ST8SIA2: variants seen among roughly 807,000 people sequenced by gnomAD.
The protein encoded by ST8SIA2 is alpha-2,8-sialyltransferase 8B.
Under a neutral mutation model 37.6 loss-of-function variants are expected in ST8SIA2, and 22 were observed. The observed-to-expected ratio is 0.58, with a 90% CI of 0.42 to 0.83. The LOEUF (loss-of-function observed/expected upper bound fraction) is 0.83, where lower values mean the gene tolerates loss of function less well. Among genes scored for constraint, ST8SIA2 ranks in the 40% least tolerant of loss-of-function variants. ST8SIA2 has a pLI of 0.00. For missense variants in ST8SIA2, 382 were observed against 484.7 expected (o/e 0.79, Z 1.99); for synonymous variants, 205 against 201.2 (o/e 1.02, Z -0.16).
At chr15:92,457,791 G>C (rs923767834) in intron 5 of ST8SIA2, among the ~76,000 whole-genome samples, 2 of 152,208 alleles carry the variant, frequency 1.3e-5, no homozygotes, top group African/African-American at 4.8e-5. Context: ...TCGCTCAGGA[G>C]TTCTTGTTTA....
In ST8SIA2 at chr15:92,394,148, CGAA is replaced by C; in HGVS notation, c.91_93del (p.Glu31del). ...TCATCTTCGCAGACATCTCAGAGATCGAAGAAGAAATCGGGTAAATAGCTGCTC... is the reference window on the plus strand; with the variant it reads ...TCATCTTCGCAGACATCTCAGAGATCGAAGAAATCGGGTAAATAGCTGCTC... On this transcript the variant is annotated inframe_deletion, in exon 1 of 6. Coordinates refer to ENST00000268164, the MANE Select transcript of ST8SIA2 (RefSeq NM_006011.4). 1.3e-6 allele frequency: 2 copies of C among 1,557,604 alleles called. No individual in the cohort carries two copies. Among genetic ancestry groups the C allele is most frequent in the Non-Finnish European group, 1.7e-6 (2 of 1,149,604 alleles).
chr15:92,439,769 C>G (rs1567219902), intron 4 of ST8SIA2, among the ~76,000 whole-genome samples: 1 of 152,076 alleles, frequency 6.6e-6, no homozygotes, highest in South Asian at 2.1e-4. Flanking sequence ...GCCCTTTAGC[C>G]TAAAGACTGG....
chr15:92,419,333 G>A (rs540304887), intron 1 of ST8SIA2, among the ~76,000 whole-genome samples: 2 of 152,278 alleles, frequency 1.3e-5, no homozygotes, highest in Non-Finnish European at 2.9e-5. Context: ...AAGAGCTGGC[G>A]AGAGAGAAAT....
rs1383088820 is a variant in ST8SIA2 at position 92,394,056 on chromosome 15, G to T, written c.-9G>T. 2.5e-5 allele frequency: 39 copies of T among 1,547,664 alleles called. No individual in the cohort carries two copies. The highest frequency in any genetic ancestry group is 3.3e-5 in the Non-Finnish European group (38 of 1,145,556). ...GGCCCGCGTGGGTCCCGGCGGGCGC[G>T]AACCCACCATGCAGCTGCAGTTCCG... On this transcript the variant is annotated 5_prime_UTR_variant, in exon 1 of 6. Transcript: ENST00000268164.
intron 1 of ST8SIA2, among the ~76,000 whole-genome samples, chr15:92,425,051 G>A (rs1251705275): frequency 6.6e-6 from 1 of 152,140 alleles, no homozygotes; most frequent in Non-Finnish European, 1.5e-5. Context: ...TCATTTGGAT[G>A]ATCTAAGCAT....
intron 1 of ST8SIA2, among the ~76,000 whole-genome samples, chr15:92,409,540 G>C (rs1003504280): frequency 6.6e-6 from 1 of 151,776 alleles, no homozygotes; most frequent in Non-Finnish European, 1.5e-5. Flanking sequence ...TTCATTTTCC[G>C]CTCGATGATT....
chr15:92,455,882 G>A (rs1386949336), intron 5 of ST8SIA2, among the ~76,000 whole-genome samples: 1 of 152,160 alleles, frequency 6.6e-6, no homozygotes, highest in African/African-American at 2.4e-5. Context: ...CTACAATTAT[G>A]GAAAATACCT....
intron 1 of ST8SIA2, among the ~76,000 whole-genome samples, chr15:92,420,026 C>T (rs1449938004): frequency 3.9e-5 from 6 of 152,140 alleles, no homozygotes; most frequent in African/African-American, 7.2e-5. Context: ...CCACCACGCC[C>T]AGCTAATTTT....
intron 2 of ST8SIA2, among the ~76,000 whole-genome samples, chr15:92,431,192 A>C (rs1167780247): frequency 6.6e-6 from 1 of 152,154 alleles, no homozygotes; most frequent in Admixed American, 6.5e-5. Context: ...CCCATTTCGG[A>C]GAAAGAAGAT....
chr15:92,435,815 C>T (rs534770647), intron 3 of ST8SIA2, among the ~76,000 whole-genome samples: 1 of 152,226 alleles, frequency 6.6e-6, no homozygotes, highest in South Asian at 2.1e-4. Context: ...TCAGGGACAC[C>T]GTGGAGTCAG....
At chr15:92,457,671 A>G (rs1290330684) in intron 5 of ST8SIA2, among the ~76,000 whole-genome samples, 1 of 152,232 alleles carries the variant, frequency 6.6e-6, no homozygotes, top group Non-Finnish European at 1.5e-5. Context: ...AATTGGCCAG[A>G]GCAACGGAGG....
intron 1 of ST8SIA2, among the ~76,000 whole-genome samples, chr15:92,408,769 G>T (rs1368209655): frequency 6.6e-6 from 1 of 151,834 alleles, no homozygotes; most frequent in East Asian, 1.9e-4. Context: ...ACAATGGCGT[G>T]ATCTCAGCTC....
At chr15:92,403,531 C>T (rs1425852178) in intron 1 of ST8SIA2, among the ~76,000 whole-genome samples, 1 of 152,174 alleles carries the variant, frequency 6.6e-6, no homozygotes, top group Non-Finnish European at 1.5e-5. Flanking sequence ...TACCTGGACT[C>T]TACCTGGGGA....
intron 4 of ST8SIA2, among the ~76,000 whole-genome samples, chr15:92,438,861 C>T (rs2049780134): frequency 6.6e-6 from 1 of 152,026 alleles, no homozygotes; most frequent in African/African-American, 2.4e-5. Context: ...ACCCAGGGAG[C>T]CCAGGTCATT....
chr15:92,396,475 T>G (rs926786402), intron 1 of ST8SIA2, among the ~76,000 whole-genome samples: 13 of 151,948 alleles, frequency 8.6e-5, no homozygotes, highest in African/African-American at 3.1e-4. Context: ...TTTTTGTTTT[T>G]TTTTTTGTCT....
chr15:92,459,684 C>G (rs1165414946), intron 5 of ST8SIA2, among the ~76,000 whole-genome samples: 1 of 152,160 alleles, frequency 6.6e-6, no homozygotes, highest in Admixed American at 6.5e-5. Context: ...ACTGCAACCT[C>G]TGCCTCCCAG....
intron 3 of ST8SIA2, 66 bp from the exon 4 acceptor site, chr15:92,438,287 A>C: frequency 6.2e-7 from 1 of 1,613,672 alleles, no homozygotes; most frequent in Non-Finnish European, 8.5e-7. Context: ...TGGATAGGAA[A>C]AGCTGGGCTG....
At chr15:92,425,231 C>T (rs998034856) in intron 1 of ST8SIA2, among the ~76,000 whole-genome samples, 1 of 152,234 alleles carries the variant, frequency 6.6e-6, no homozygotes, top group Non-Finnish European at 1.5e-5. Flanking sequence ...ACAAATCCCT[C>T]ATCAATTCCT....
intron 1 of ST8SIA2, among the ~76,000 whole-genome samples, chr15:92,415,733 C>T (rs1035164708): frequency 2.0e-5 from 3 of 152,134 alleles, no homozygotes; most frequent in Middle Eastern, 3.4e-3. Flanking sequence ...TTAAAAAGGT[C>T]GAACATGCAA....
Sources: allele counts gnomAD v4.1 joint callset (sites outside exome capture counted in the v4.1 genomes callset), GRCh38; gene constraint gnomAD v4.1.1; transcripts MANE v1.5; gene names NCBI Gene and HGNC (gene_info 2026-07-23, HGNC 2026-07-21).